The following CYYR1 variants were observed in gnomAD, a reference collection of about 807,000 sequenced individuals.
CYYR1 encodes the protein cysteine and tyrosine rich 1.
CYYR1 carries 14 observed loss-of-function variants against 15.2 expected under a neutral mutation model. That is an observed-to-expected ratio of 0.92 (90% CI 0.61 to 1.44). CYYR1 has a LOEUF of 1.44. Ranked by LOEUF, CYYR1 falls within the 40% of genes most tolerant of loss-of-function variation. The pLI is 0.00. For synonymous variants in CYYR1, 80 were observed against 77.4 expected (o/e 1.03, Z -0.18); for missense variants, 228 against 209.5 (o/e 1.09, Z -0.54).
rs573449318 is a variant in CYYR1, at chr21:26,487,364, T to C, written c.177-6935A>G. 3.3e-5 allele frequency among the ~76,000 whole-genome samples: 5 copies of C among 152,234 alleles called. No individual in the cohort carries two copies. The East Asian group carries it at 9.6e-4, about 29-fold the overall frequency. ...GGTAATATTTAGTCGACTTATTTAT[T>C]TGTGATGATACACATGAGATGAATT... On this transcript the variant is annotated intron_variant, in intron 2 of 3. Transcript: ENST00000652641.
At chr21:26,477,983 G>A (rs763262856) in intron 3 of CYYR1, 46 of 1,498,132 alleles carry the variant, frequency 3.1e-5, no homozygotes, top group Admixed American at 8.9e-5. Flanking sequence ...AATTCCCTAG[G>A]GTATTGATAT....
chr21:26,488,805 G>A (rs2065287727), intron 2 of CYYR1, among the ~76,000 whole-genome samples: 1 of 152,058 alleles, frequency 6.6e-6, no homozygotes, highest in East Asian at 1.9e-4. Flanking sequence ...ATATCCTAGG[G>A]ATGGAAGAGG....
chr21:26,552,497 G>A (rs1979467525), intron 2 of CYYR1, among the ~76,000 whole-genome samples: 1 of 151,972 alleles, frequency 6.6e-6, no homozygotes, highest in Non-Finnish European at 1.5e-5. Context: ...TTGAATTTAG[G>A]TATATCATTT....
intron 2 of CYYR1, among the ~76,000 whole-genome samples, chr21:26,519,705 A>C (rs2065778188): frequency 6.6e-6 from 1 of 152,136 alleles, no homozygotes; most frequent in African/African-American, 2.4e-5. Flanking sequence ...TAAATTGAGA[A>C]TAAAGTAGAG....
At chr21:26,572,819 A>T (rs1334249150) in intron 1 of CYYR1, 49 bp downstream of exon 1, 3 of 1,605,948 alleles carry the variant, frequency 1.9e-6, no homozygotes, top group Non-Finnish European at 2.6e-6. Flanking sequence ...ACCGTGACCC[A>T]AGGGCAGCCC....
intron 2 of CYYR1, among the ~76,000 whole-genome samples, chr21:26,486,056 C>T (rs571388352): frequency 1.3e-5 from 2 of 151,702 alleles, no homozygotes; most frequent in African/African-American, 2.4e-5. Context: ...AACATGTTTT[C>T]GAAAGCTTAT....
intron 2 of CYYR1, among the ~76,000 whole-genome samples, chr21:26,508,044 A>T (rs1004115145): frequency 6.6e-6 from 1 of 152,206 alleles, no homozygotes; most frequent in African/African-American, 2.4e-5. Context: ...AGGTGAGATC[A>T]AGGAAGACTA....
chr21:26,515,394 T>C (rs545420818), intron 2 of CYYR1, among the ~76,000 whole-genome samples: 1 of 152,264 alleles, frequency 6.6e-6, no homozygotes, highest in South Asian at 2.1e-4. Flanking sequence ...AGTCTCACTT[T>C]GTCGCCCAAG....
At chr21:26,564,052 G>A (rs559921457) in intron 2 of CYYR1, among the ~76,000 whole-genome samples, 25 of 152,142 alleles carry the variant, frequency 1.6e-4, no homozygotes, top group Non-Finnish European at 3.1e-4. Flanking sequence ...GTGCCCGGAT[G>A]CTTGAAAAAG....
At chr21:26,523,563 A>G (rs191243351) in intron 2 of CYYR1, among the ~76,000 whole-genome samples, 189 of 152,094 alleles carry the variant, frequency 1.2e-3, no homozygotes, top group African/African-American at 4.4e-3. Flanking sequence ...TCTGCCTACT[A>G]TCTCATTTTC....
intron 2 of CYYR1, among the ~76,000 whole-genome samples, chr21:26,515,949 T>G (rs1351173227): frequency 6.6e-6 from 1 of 152,184 alleles, no homozygotes; most frequent in Non-Finnish European, 1.5e-5. Flanking sequence ...GTCAATGCAA[T>G]TCTTTCTGGT....
chr21:26,526,685 C>T (rs1246834142), intron 2 of CYYR1, among the ~76,000 whole-genome samples: 1 of 152,168 alleles, frequency 6.6e-6, no homozygotes, highest in Non-Finnish European at 1.5e-5. Flanking sequence ...CTTTCTTCCA[C>T]CTTGGTATCC....
At chr21:26,512,609 T>C (rs1412520526) in intron 2 of CYYR1, among the ~76,000 whole-genome samples, 2 of 152,196 alleles carry the variant, frequency 1.3e-5, no homozygotes, top group Admixed American at 6.5e-5. Flanking sequence ...TTTACATTCT[T>C]AAGTGGCTTA....
intron 3 of CYYR1, among the ~76,000 whole-genome samples, chr21:26,478,326 C>T (rs571692761): frequency 4.6e-5 from 7 of 152,102 alleles, no homozygotes; most frequent in Admixed American, 2.0e-4. Context: ...CAGGAGGTGA[C>T]CTTTGATTAA....
At chr21:26,532,953 C>G (rs2065950914) in intron 2 of CYYR1, among the ~76,000 whole-genome samples, 1 of 151,760 alleles carries the variant, frequency 6.6e-6, no homozygotes, top group Admixed American at 6.6e-5. Flanking sequence ...AAAACATAAA[C>G]AAATTTTGTG....
chr21:26,506,344 G>C (rs1261891557), intron 2 of CYYR1, among the ~76,000 whole-genome samples: 1 of 152,116 alleles, frequency 6.6e-6, no homozygotes, highest in Non-Finnish European at 1.5e-5. Flanking sequence ...CATTGAGGGG[G>C]CTTTCTCTTA....
chr21:26,499,627 C>G (rs913733180), intron 2 of CYYR1, among the ~76,000 whole-genome samples: 1 of 152,098 alleles, frequency 6.6e-6, no homozygotes, highest in Non-Finnish European at 1.5e-5. Flanking sequence ...AGTGCAGGAC[C>G]TAACAATATC....
chr21:26,489,495 G>A (rs1264010029), intron 2 of CYYR1, among the ~76,000 whole-genome samples: 1 of 151,748 alleles, frequency 6.6e-6, no homozygotes, highest in Non-Finnish European at 1.5e-5. Context: ...TTCAAAAATG[G>A]TCATATTAAA....
At chr21:26,475,100 A>G (rs962091726) in intron 3 of CYYR1, among the ~76,000 whole-genome samples, 2 of 152,246 alleles carry the variant, frequency 1.3e-5, no homozygotes, top group East Asian at 3.8e-4. Flanking sequence ...CACTTTGAGT[A>G]AATGACCATT....
Sources: gnomAD v4.1 joint callset for allele counts (sites outside exome capture counted in the v4.1 genomes callset) on GRCh38, gnomAD v4.1.1 for gene constraint, MANE v1.5 for transcripts, NCBI Gene and HGNC (gene_info 2026-07-23, HGNC 2026-07-21) for gene names.